Variants in CEP112 observed in about 807,000 individuals in gnomAD.
The protein encoded by CEP112 is centrosomal protein of 112 kDa.
CEP112 carries 127 observed loss-of-function variants against 153.0 expected under a neutral mutation model. The ratio of observed to expected loss-of-function variants is 0.83; its 90% CI spans 0.72 to 0.96. The LOEUF is 0.96. CEP112 is among the 40% of genes least tolerant of loss of function. The pLI, the probability that CEP112 is intolerant of heterozygous loss-of-function variation, is 0.00. For missense variants in CEP112, 1,089 were observed against 1,101.2 expected (o/e 0.99, Z 0.16); for synonymous variants, 358 against 374.4 (o/e 0.96, Z 0.51).
chr17:65,992,031 AAAAC>A (rs1310504566), intron 17 of CEP112, among the ~76,000 whole-genome samples: 2 of 152,112 alleles, frequency 1.3e-5, no homozygotes, highest in African/African-American at 4.8e-5. Context: ...ATTAAAAAAA[AAAAC>A]AAACCTAATC....
intron 5 of CEP112, 150 bp from the exon 6 acceptor site, chr17:66,129,973 A>G: frequency 1.9e-6 from 1 of 525,186 alleles, no homozygotes; most frequent in Non-Finnish European, 3.4e-6. Flanking sequence ...GAAGAAAGGA[A>G]GGGATGAAAA....
intron 6 of CEP112, among the ~76,000 whole-genome samples, chr17:66,101,768 A>G (rs2068578151): frequency 6.6e-6 from 1 of 152,118 alleles, no homozygotes. Flanking sequence ...GTTTAAATAC[A>G]TGCTGGAAAA....
intron 20 of CEP112, among the ~76,000 whole-genome samples, chr17:65,881,559 T>A (rs554535822): frequency 1.2e-4 from 19 of 152,190 alleles, no homozygotes; most frequent in Admixed American, 1.2e-3. Flanking sequence ...CTGAAGATGA[T>A]CTCAGACAAT....
intron 16 of CEP112, among the ~76,000 whole-genome samples, chr17:66,021,228 C>A: frequency 6.6e-6 from 1 of 152,046 alleles, no homozygotes; most frequent in East Asian, 1.9e-4. Context: ...ATATCAAGCT[C>A]GGCGGGTCCC....
Position 65,837,314 on chromosome 17 carries a change from T to C in CEP112, c.2394+14490A>G, listed in dbSNP as rs1246714661. Among the ~76,000 whole-genome samples, 4 of 148,320 alleles carry C rather than the reference T, an allele frequency of 2.7e-5. 1 individual carries two copies. Among genetic ancestry groups the C allele is most frequent in the African/African-American group, 7.6e-5 (3 of 39,572 alleles). On this transcript the variant is annotated intron_variant, in intron 21 of 26. Transcript: ENST00000535342. ...CTGCCCGGCCGCCCAGTCTGGAAAG[T>C]GAGGAGCGCCTCTTCCTGGCCGTCA...
intron 10 of CEP112, 38 bp from the exon 11 acceptor site, chr17:66,063,119 A>C (rs769583731): frequency 1.0e-6 from 1 of 982,386 alleles, no homozygotes. Flanking sequence ...AACCAATTCT[A>C]GGTACATAGA....
At chr17:65,823,822 C>T (rs2056709600) in intron 21 of CEP112, among the ~76,000 whole-genome samples, 1 of 152,082 alleles carries the variant, frequency 6.6e-6, no homozygotes, top group Admixed American at 6.6e-5. Context: ...ATAGATACTT[C>T]ACCAAAAAAG....
At chr17:66,143,234 A>G (rs533677391) in intron 4 of CEP112, among the ~76,000 whole-genome samples, 3 of 152,330 alleles carry the variant, frequency 2.0e-5, no homozygotes, top group Admixed American at 6.5e-5. Flanking sequence ...AAGATGGTAA[A>G]AGCAAATTAT....
At chr17:65,968,447 T>C (rs1471415511) in intron 17 of CEP112, among the ~76,000 whole-genome samples, 5 of 152,214 alleles carry the variant, frequency 3.3e-5, no homozygotes, top group Non-Finnish European at 7.4e-5. Flanking sequence ...ATATTTATCA[T>C]GTGACAGAAG....
chr17:65,635,960 C>G lies in CEP112; in HGVS notation c.*11G>C, dbSNP rs773072735. 6.9e-6 allele frequency: 11 copies of G among 1,599,958 alleles called. No homozygotes were observed. In the South Asian group the frequency reaches 7.9e-5, roughly 12 times the overall value. Reference sequence around the variant, plus strand: ...GCCTGGAAATTGCATCCGTTGCATTCTCTCGTGCAGTTACCTGTAAACCAA... The same window carrying G: ...GCCTGGAAATTGCATCCGTTGCATTGTCTCGTGCAGTTACCTGTAAACCAA... On this transcript the variant is annotated 3_prime_UTR_variant, in exon 27 of 27. Transcript: ENST00000535342.
At chr17:65,983,519 C>T (rs182649919) in intron 17 of CEP112, among the ~76,000 whole-genome samples, 1 of 152,188 alleles carries the variant, frequency 6.6e-6, no homozygotes, top group East Asian at 1.9e-4. Context: ...GTCTTGGTGT[C>T]AGTCCCTTGG....
intron 23 of CEP112, among the ~76,000 whole-genome samples, chr17:65,716,479 G>A (rs1255276685): frequency 1.3e-5 from 2 of 152,056 alleles, no homozygotes; most frequent in Non-Finnish European, 2.9e-5. Context: ...GCTTTTAAGA[G>A]TTCGATGGTT....
chr17:65,668,003 T>C (rs973821371), intron 24 of CEP112, among the ~76,000 whole-genome samples: 1 of 151,908 alleles, frequency 6.6e-6, no homozygotes, highest in African/African-American at 2.4e-5. Context: ...TTCAAGTGAT[T>C]CTCCTGGTTC....
intron 23 of CEP112, among the ~76,000 whole-genome samples, chr17:65,728,239 C>T (rs948678217): frequency 5.3e-5 from 8 of 152,114 alleles, no homozygotes; most frequent in Non-Finnish European, 1.0e-4. Context: ...TCAAATGCTG[C>T]ATAGAGCTAG....
At chr17:65,810,069 G>A (rs1300583569) in intron 21 of CEP112, among the ~76,000 whole-genome samples, 2 of 152,204 alleles carry the variant, frequency 1.3e-5, no homozygotes, top group African/African-American at 4.8e-5. Flanking sequence ...ATCACTTGTT[G>A]ATTGGACAAA....
At chr17:65,714,716 T>A (rs144512013) in intron 23 of CEP112, among the ~76,000 whole-genome samples, 1 of 152,288 alleles carries the variant, frequency 6.6e-6, no homozygotes, top group East Asian at 1.9e-4. Flanking sequence ...TTGATGCAAG[T>A]CTGAAAAATT....
intron 23 of CEP112, among the ~76,000 whole-genome samples, chr17:65,710,124 C>T (rs1425232361): frequency 2.0e-5 from 3 of 152,184 alleles, no homozygotes; most frequent in African/African-American, 4.8e-5. Flanking sequence ...TTATACAGTG[C>T]ACCCTTCATG....
intron 24 of CEP112, among the ~76,000 whole-genome samples, chr17:65,646,711 A>C (rs1165254172): frequency 1.3e-5 from 2 of 152,174 alleles, no homozygotes; most frequent in Non-Finnish European, 2.9e-5. Flanking sequence ...CTAAATGCTG[A>C]GCTGATTTTT....
intron 19 of CEP112, among the ~76,000 whole-genome samples, chr17:65,908,841 G>T (rs1237310247): frequency 2.0e-5 from 3 of 152,184 alleles, no homozygotes; most frequent in African/African-American, 7.2e-5. Flanking sequence ...TCCTTCTACA[G>T]CTTGATGATG....
Sources: allele counts gnomAD v4.1 joint callset (sites outside exome capture counted in the v4.1 genomes callset), GRCh38; gene constraint gnomAD v4.1.1; transcripts MANE v1.5; gene names NCBI Gene and HGNC (gene_info 2026-07-23, HGNC 2026-07-21).